HOXA3: variants seen among roughly 807,000 people sequenced by gnomAD.
HOXA3 encodes the protein homeobox protein Hox-A3.
A neutral mutation model predicts 30.3 loss-of-function variants in HOXA3; 8 were observed. That is an observed-to-expected ratio of 0.26 (90% CI 0.15 to 0.48). The LOEUF (loss-of-function observed/expected upper bound fraction) is 0.48, where lower values mean the gene tolerates loss of function less well. Among genes scored for constraint, HOXA3 ranks in the 20% least tolerant of loss-of-function variants. The pLI, the probability that HOXA3 is intolerant of heterozygous loss-of-function variation, is 0.99. For missense variants in HOXA3, 653 were observed against 614.4 expected, an observed-to-expected ratio of 1.06 and a Z score of -0.66; for synonymous variants, 323 against 273.1, an observed-to-expected ratio of 1.18 and a Z score of -1.80.
chr7:27,114,007 G>T (rs916152484), intron 4 of HOXA3: 4 of 145,720 alleles, frequency 2.7e-5, no homozygotes, highest in Admixed American at 1.4e-4. Flanking sequence ...TGTTTCTTAT[G>T]AATATTACAC....
At chr7:27,124,966 G>T (rs1785219774) in intron 3 of HOXA3, among the ~76,000 whole-genome samples, 1 of 152,196 alleles carries the variant, frequency 6.6e-6, no homozygotes, top group Non-Finnish European at 1.5e-5. Context: ...CCTGAGCCCA[G>T]TGGCCAGTCC....
At chr7:27,129,243 G>C in intron 2 of HOXA3, 2 of 1,559,448 alleles carry the variant, frequency 1.3e-6, no homozygotes, top group Non-Finnish European at 1.8e-6. Context: ...AGGAGGGAAC[G>C]GGTGTGGAGG....
chr7:27,136,158 G>A (rs1785706266), intron 2 of HOXA3, among the ~76,000 whole-genome samples: 1 of 152,208 alleles, frequency 6.6e-6, no homozygotes, highest in Non-Finnish European at 1.5e-5. Flanking sequence ...TTTTTGACCT[G>A]CAGTTGTAAC....
intron 1 of HOXA3, among the ~76,000 whole-genome samples, chr7:27,146,640 T>C (rs1782777697): frequency 1.3e-5 from 2 of 152,090 alleles, no homozygotes; most frequent in Admixed American, 6.6e-5. Context: ...TAGGATTGTG[T>C]TGGGCTGTCT....
At chr7:27,145,467 GTTTT>G in intron 1 of HOXA3, 1 of 709,190 alleles carries the variant, frequency 1.4e-6, no homozygotes, top group South Asian at 1.8e-5. Flanking sequence ...GTTTTGTTTT[GTTTT>G]GTTTTGTTTT....
intron 1 of HOXA3, chr7:27,150,829 C>T (rs1030730768): frequency 1.3e-5 from 2 of 152,518 alleles, no homozygotes; most frequent in Non-Finnish European, 2.9e-5. Context: ...ATTTCCCGGC[C>T]ATATAGGCTC....
intron 1 of HOXA3, chr7:27,145,689 C>T: frequency 6.2e-7 from 1 of 1,614,178 alleles, no homozygotes; most frequent in East Asian, 2.2e-5. Context: ...TGAGTCCTCC[C>T]CGCTGGGCTG....
chr7:27,129,256 C>A (rs534027729), intron 2 of HOXA3: 24 of 1,599,522 alleles, frequency 1.5e-5, no homozygotes, highest in Non-Finnish European at 2.0e-5. Context: ...TGTGGAGGTG[C>A]TCGGGTGGGG....
At chr7:27,110,899 G>A in intron 4 of HOXA3, 139 bp from the exon 5 acceptor site, 1 of 476,420 alleles carries the variant, frequency 2.1e-6, no homozygotes, top group Admixed American at 3.7e-5. Flanking sequence ...GGCGCAGGGA[G>A]CCGTGCTATA....
In HOXA3 at chr7:27,110,377, C is replaced by G. The variant is rs1016599935; in HGVS notation, c.264G>C (p.Pro88=). The part of the protein sequence containing the change: ...PPSQPPSLGE[P]PLHPPPPQAA... The stretch of plus-strand genomic sequence containing the variant: ...CCTGGGGCGGCGGCGGGTGCAGGGG[C>G]GGCTCTCCCAGGCTTGGAGGCTGGC... The change falls in exon 5 of 6, where the codon CCG becomes CCC. Residue 88 remains proline (P), a synonymous_variant. Transcript: ENST00000612286. The G allele has an allele frequency of 2.0e-6, 3 of 1,516,752 alleles. No individual in the cohort carries two copies. Among genetic ancestry groups the G allele is most frequent in the Non-Finnish European group, 1.8e-6 (2 of 1,136,524 alleles). The allele number at this position is 1,516,752 out of a possible 1,614,324, so 94.0% of individuals were successfully genotyped here.
chr7:27,110,598 C>T lies in HOXA3; in HGVS notation c.43G>A (p.Gly15Ser), dbSNP rs752084362. Residue 15 changes from glycine (G) to serine (S), a missense_variant, in exon 5 of 6, where the codon GGC (glycine) becomes AGC (serine). Coordinates refer to ENST00000612286, the MANE Select transcript of HOXA3 (RefSeq NM_153631.3). ...TYYDSSAIYG[G>S]YPYQAANGFA... is the part of the protein sequence containing the mutation. Reference sequence around the variant, plus strand: ...CCGTTGGCTGCCTGGTAGGGGTAGCCACCGTAGATCGCCGAGCTGTCGTAG... The same window carrying T: ...CCGTTGGCTGCCTGGTAGGGGTAGCTACCGTAGATCGCCGAGCTGTCGTAG... 1.2e-6 allele frequency: 2 copies of T among 1,607,360 alleles called. No individual in the cohort carries two copies. The highest frequency in any genetic ancestry group is 4.5e-5 in the East Asian group (2 of 44,602).
intron 2 of HOXA3, among the ~76,000 whole-genome samples, chr7:27,138,944 C>G (rs1785801631): frequency 6.6e-6 from 1 of 152,152 alleles, no homozygotes; most frequent in African/African-American, 2.4e-5. Flanking sequence ...ACTGAAGACA[C>G]CTCAATTTCC....
intron 2 of HOXA3, chr7:27,128,653 GT>G: frequency 6.2e-6 from 1 of 160,450 alleles, no homozygotes; most frequent in Non-Finnish European, 1.4e-5. Flanking sequence ...GGGGACAACA[GT>G]ATCTCTGTAA....
At chr7:27,121,790 G>T (rs554078940) in intron 4 of HOXA3, 1 of 152,612 alleles carries the variant, frequency 6.6e-6, no homozygotes, top group South Asian at 2.1e-4. Flanking sequence ...CCCCAAACAG[G>T]CATGTAATTT....
intron 1 of HOXA3, chr7:27,151,387 G>GCC (rs1583417352): frequency 2.9e-6 from 1 of 339,984 alleles, no homozygotes; most frequent in East Asian, 8.5e-5. Flanking sequence ...GGAAGGTGGG[G>GCC]AGTGCGGTCG....
intron 4 of HOXA3, among the ~76,000 whole-genome samples, chr7:27,117,337 C>T (rs1207056380): frequency 6.6e-6 from 1 of 152,202 alleles, no homozygotes; most frequent in African/African-American, 2.4e-5. Context: ...AATGCCCAGA[C>T]CAGGCGCACT....
At chr7:27,135,718 G>T (rs1019855813) in intron 2 of HOXA3, among the ~76,000 whole-genome samples, 1 of 152,122 alleles carries the variant, frequency 6.6e-6, no homozygotes, top group Non-Finnish European at 1.5e-5. Context: ...GCACCATTCT[G>T]TTGCCTTTGA....
rs1214970882 is a variant in HOXA3 at position 27,110,403 on chromosome 7, T to C, written c.238A>G (p.Ser80Gly). Reference protein sequence around the residue: ...ACLRTLSAPPSQPPSLGEPPL... With the variant: ...ACLRTLSAPPGQPPSLGEPPL... The stretch of plus-strand genomic sequence containing the variant: ...GGCTCTCCCAGGCTTGGAGGCTGGC[T>C]AGGTGGGGCGCTCAGGGTGCGCAGG... The change falls in exon 5 of 6, where the codon AGC becomes GGC. Residue 80 changes from serine to glycine, a missense_variant. Around this residue, in one of 3 missense-constraint regions of HOXA3, gnomAD observed 320 missense variants for 321.9 expected, o/e 0.99. Coordinates refer to ENST00000612286, the MANE Select transcript of HOXA3 (RefSeq NM_153631.3). The C allele has an allele frequency of 1.2e-5, 19 of 1,535,244 alleles. No individual in the cohort carries two copies. The highest frequency in any genetic ancestry group is 1.5e-5 in the Non-Finnish European group (17 of 1,143,976).
chr7:27,129,506 A>C, intron 2 of HOXA3: 1 of 1,614,158 alleles, frequency 6.2e-7, no homozygotes. Flanking sequence ...TCCAGCTCCA[A>C]GACCTGCTGC....
Sources: allele counts gnomAD v4.1 joint callset (sites outside exome capture counted in the v4.1 genomes callset), GRCh38; gene constraint gnomAD v4.1.1; regional missense constraint gnomAD v4.1.1; transcripts MANE v1.5; gene names NCBI Gene and HGNC (gene_info 2026-07-23, HGNC 2026-07-21).